The following HINT3 variants were observed in gnomAD, a reference collection of about 807,000 sequenced individuals.
HINT3 encodes the protein adenosine 5'-monophosphoramidase HINT3.
In HINT3, 16 loss-of-function variants were observed where a neutral mutation model predicts 19.1. That is an observed-to-expected ratio of 0.84 (90% CI 0.57 to 1.27). The LOEUF is 1.27. Among genes scored for constraint, HINT3 ranks in the 50% most tolerant of loss-of-function variants. The pLI, the probability that HINT3 is intolerant of heterozygous loss-of-function variation, is 0.00. For missense variants in HINT3, 197 were observed against 225.8 expected, an observed-to-expected ratio of 0.87 and a Z score of 0.82; for synonymous variants, 75 against 84.8, an observed-to-expected ratio of 0.88 and a Z score of 0.63.
chr6:125,968,266 T>C lies in HINT3; in HGVS notation c.319+1262T>C, dbSNP rs190556932. On this transcript the variant is annotated intron_variant, in intron 2 of 4. Transcript: ENST00000229633. ...CCTTATAAGTGGGAACACAGAGTGT[T>C]TGGTTTTCTGTTCCTGTGTAATTCA... 3.5e-3 allele frequency among the ~76,000 whole-genome samples: 529 copies of C among 152,318 alleles called. 3 individuals are homozygous for C. Among genetic ancestry groups the C allele is most frequent in the Non-Finnish European group, 4.0e-3 (272 of 68,032 alleles).
intron 1 of HINT3, among the ~76,000 whole-genome samples, chr6:125,962,516 A>G (rs1468918705): frequency 6.6e-6 from 1 of 152,012 alleles, no homozygotes; most frequent in Non-Finnish European, 1.5e-5. Flanking sequence ...GATGGTTTAC[A>G]TCATACATTC....
chr6:125,973,065 C>CTTTTTTTTTTTT (rs869084942), intron 3 of HINT3, among the ~76,000 whole-genome samples: 2 of 74,480 alleles, frequency 2.7e-5, no homozygotes, highest in Admixed American at 2.1e-4. Context: ...AATTTTTCAA[C>CTTTTTTTTTTTT]TTTTTTTTTT....
rs147213100 is a variant in HINT3, at chr6:125,957,062, G to A, written c.85G>A (p.Val29Met). The A allele has an allele frequency of 7.1e-6, 11 of 1,550,848 alleles. No homozygotes were observed. The Admixed American group carries it at 2.2e-4, about 30-fold the overall frequency. The change falls in exon 1 of 5, where the codon GTG becomes ATG. Residue 29 changes from valine (V) to methionine (M), a missense_variant. By Grantham distance (21) the Val-to-Met change is conservative (BLOSUM62 1). Transcript: ENST00000229633. ...GACTGCAGAAACTACGGTTTCCTCA[G>A]TGGGGACCTGTGAAGCCGCTGGCAA... ...SATAETTVSS[V>M]GTCEAAGKSP... is the part of the protein sequence containing the mutation.
At chr6:125,960,672 A>AGGGGGGGGGGG (rs1395716444) in intron 1 of HINT3, among the ~76,000 whole-genome samples, 1 of 83,434 alleles carries the variant, frequency 1.2e-5, no homozygotes, top group African/African-American at 3.2e-5. Context: ...GGGGAAAAAA[A>AGGGGGGGGGGG]AAGAAGTTAG....
chr6:125,972,414 GGTGGCAGTTT>G (rs1789115320), intron 3 of HINT3, 86 bp downstream of exon 3: 2 of 788,848 alleles, frequency 2.5e-6, no homozygotes, highest in South Asian at 2.1e-5. Flanking sequence ...TGGAAACAGA[GGTGGCAGTTT>G]GTGGTTTAAA....
intron 3 of HINT3, among the ~76,000 whole-genome samples, chr6:125,974,625 T>A (rs1789154912): frequency 6.6e-6 from 1 of 152,210 alleles, no homozygotes; most frequent in Non-Finnish European, 1.5e-5. Flanking sequence ...TGTTAAGGCC[T>A]TCCTTGATGA....
chr6:125,963,217 A>G (rs969616605), intron 1 of HINT3, among the ~76,000 whole-genome samples: 1 of 152,238 alleles, frequency 6.6e-6, no homozygotes, highest in African/African-American at 2.4e-5. Flanking sequence ...TTTCCCAACA[A>G]AAAATAGATG....
chr6:125,975,021 C>T (rs1391270071), intron 4 of HINT3, 48 bp downstream of exon 4: 2 of 1,584,974 alleles, frequency 1.3e-6, no homozygotes, highest in Non-Finnish European at 1.7e-6. Context: ...TTTAAAATAT[C>T]CTTTTCATTG....
chr6:125,977,148 T>C (rs1387291065), intron 4 of HINT3, among the ~76,000 whole-genome samples: 1 of 152,240 alleles, frequency 6.6e-6, no homozygotes, highest in Non-Finnish European at 1.5e-5. Flanking sequence ...TAAGGACATG[T>C]ATCCACCATT....
chr6:125,976,428 A>G (rs1789179005), intron 4 of HINT3, among the ~76,000 whole-genome samples: 1 of 151,258 alleles, frequency 6.6e-6, no homozygotes. Context: ...AAAAAATTAA[A>G]TAATATATAA....
In HINT3 at chr6:125,962,211, CACATATATATATATATATATAT is replaced by C. The variant is rs1562212089; in HGVS notation, c.202-4672_202-4651del. Among the ~76,000 whole-genome samples, 52 of 12,476 alleles carry C rather than the reference CACATATATATATATATATATAT, an allele frequency of 4.2e-3. 3 individuals are homozygous for C. The highest frequency in any genetic ancestry group is 0.056 in the Middle Eastern group (1 of 18). The allele number at this position is 12,476 out of a possible 152,430, so 8.2% of individuals were successfully genotyped here. On this transcript the variant is annotated intron_variant, in intron 1 of 4. Transcript: ENST00000229633. ...ACACATATATATATATATATATATACACATATATATATATATATATATACACATATATATATATACACACATA... is the reference window on the plus strand; with the variant it reads ...ACACATATATATATATATATATATACACACATATATATATATACACACATA...
chr6:125,962,310 CACATATAT>C (rs1562212413), intron 1 of HINT3, among the ~76,000 whole-genome samples: 3,669 of 24,584 alleles, frequency 0.15, 551 homozygotes, highest in East Asian at 0.47. Flanking sequence ...ATATATATCA[CACATATAT>C]ATATATATAT....
intron 4 of HINT3, 76 bp downstream of exon 4, chr6:125,975,049 C>A: frequency 7.1e-7 from 1 of 1,407,718 alleles, no homozygotes; most frequent in Non-Finnish European, 9.9e-7. Context: ...TTCTTCTCAA[C>A]AGTAGGCACT....
At chr6:125,965,283 T>C (rs951929750) in intron 1 of HINT3, among the ~76,000 whole-genome samples, 1 of 152,188 alleles carries the variant, frequency 6.6e-6, no homozygotes, top group South Asian at 2.1e-4. Flanking sequence ...TGCTGTGAGG[T>C]AGAGTACAGC....
At chr6:125,971,989 G>A (rs1228174809) in intron 2 of HINT3, among the ~76,000 whole-genome samples, 1 of 152,108 alleles carries the variant, frequency 6.6e-6, no homozygotes, top group African/African-American at 2.4e-5. Context: ...GGGATTACAG[G>A]CATGAGCCAC....
chr6:125,962,759 GC>G (rs931881381), intron 1 of HINT3, among the ~76,000 whole-genome samples: 3 of 151,958 alleles, frequency 2.0e-5, no homozygotes, highest in Admixed American at 1.3e-4. Flanking sequence ...CTAAGCAAAG[GC>G]TGAACCATGC....
intron 1 of HINT3, among the ~76,000 whole-genome samples, chr6:125,964,709 A>G (rs1788992266): frequency 6.7e-6 from 1 of 150,314 alleles, no homozygotes; most frequent in Non-Finnish European, 1.5e-5. Context: ...TTTTGCTATC[A>G]TGAATAATGC....
In HINT3 at chr6:125,966,924, CAGCA is replaced by C; in HGVS notation, c.241_244del (p.Ala81LeufsTer18). 6.2e-7 allele frequency: 1 copy of C among 1,612,926 alleles called. No individual in the cohort carries two copies. The highest frequency in any genetic ancestry group is 1.7e-5 in the Admixed American group (1 of 59,930). On this transcript the variant is annotated frameshift_variant, in exon 2 of 5. Coordinates refer to ENST00000229633, the MANE Select transcript of HINT3 (RefSeq NM_138571.5). LOFTEE classifies it high-confidence loss of function. Reference sequence around the variant, plus strand: ...ATTTGCTTCAAAGATATCAAACCAGCAGCAACTCATCATTATCTTGTGGTGCCAA... The same window carrying C: ...ATTTGCTTCAAAGATATCAAACCAGCACTCATCATTATCTTGTGGTGCCAA...
At chr6:125,966,202 G>A (rs1789015522) in intron 1 of HINT3, among the ~76,000 whole-genome samples, 2 of 151,950 alleles carry the variant, frequency 1.3e-5, no homozygotes, top group South Asian at 2.1e-4. Context: ...AATGTTAATA[G>A]GTTGAAACAC....
Sources: gnomAD v4.1 joint callset for allele counts (sites outside exome capture counted in the v4.1 genomes callset) on GRCh38, gnomAD v4.1.1 for gene constraint, MANE v1.5 for transcripts, NCBI Gene and HGNC (gene_info 2026-07-23, HGNC 2026-07-21) for gene names.